TYR: variants seen among roughly 807,000 people sequenced by gnomAD.
TYR encodes the protein LB24-AB.
In TYR, 58 loss-of-function variants were observed where a neutral mutation model predicts 51.5. The observed-to-expected ratio is 1.13, with a 90% CI of 0.91 to 1.40. The LOEUF (loss-of-function observed/expected upper bound fraction) is 1.40, where lower values mean the gene tolerates loss of function less well. TYR is among the 40% of genes most tolerant of loss of function. The probability of loss-of-function intolerance (pLI) is 0.00; values close to 1 mark genes in which losing one functional copy is unlikely to be tolerated. For missense variants in TYR, 732 were observed against 647.4 expected, an observed-to-expected ratio of 1.13 and a Z score of -1.42; for synonymous variants, 263 against 235.2, an observed-to-expected ratio of 1.12 and a Z score of -1.08.
chr11:89,259,330 G>C (rs1944430968), intron 3 of TYR, among the ~76,000 whole-genome samples: 1 of 152,004 alleles, frequency 6.6e-6, no homozygotes, highest in African/African-American at 2.4e-5. Context: ...TACTTGGCTA[G>C]AACATTAGTA....
chr11:89,180,615 T>A (rs1943288981), intron 1 of TYR, among the ~76,000 whole-genome samples: 1 of 151,840 alleles, frequency 6.6e-6, no homozygotes, highest in African/African-American at 2.4e-5. Context: ...ATTATCAACT[T>A]CAACCTTGTT....
At chr11:89,206,849 A>C (rs527490063) in intron 2 of TYR, among the ~76,000 whole-genome samples, 137 of 152,232 alleles carry the variant, frequency 9.0e-4, no homozygotes, top group Non-Finnish European at 1.7e-3. Flanking sequence ...AAACACTTAG[A>C]AACTAAACAA....
intron 4 of TYR, among the ~76,000 whole-genome samples, chr11:89,289,960 C>A (rs1944837570): frequency 6.6e-6 from 1 of 152,022 alleles, no homozygotes; most frequent in African/African-American, 2.4e-5. Context: ...ATATGGTAGA[C>A]ATTGTACCAA....
intron 3 of TYR, among the ~76,000 whole-genome samples, chr11:89,283,006 A>G (rs1418736975): frequency 1.3e-5 from 2 of 151,806 alleles, no homozygotes; most frequent in African/African-American, 4.8e-5. Context: ...TATAATTCCC[A>G]TTTTGTAGAA....
intron 3 of TYR, among the ~76,000 whole-genome samples, chr11:89,236,510 A>G (rs1591173631): frequency 6.6e-6 from 1 of 152,290 alleles, no homozygotes; most frequent in East Asian, 1.9e-4. Flanking sequence ...GCAAAGATCA[A>G]GGTAATTTCT....
chr11:89,235,206 C>T lies in TYR; in HGVS notation c.1184+7236C>T, dbSNP rs377023340. Among the ~76,000 whole-genome samples, 14 of 152,024 alleles carry T rather than the reference C, an allele frequency of 9.2e-5. 1 individual carries two copies. Among genetic ancestry groups the T allele is most frequent in the African/African-American group, 1.9e-4 (8 of 41,402 alleles). On this transcript the variant is annotated intron_variant, in intron 3 of 4. Transcript: ENST00000263321. ...AATGTTGGAGAGGGTGTGGAGAACACGGAACACATGCACATTTTTGGGTGG... is the reference window on the plus strand; with the variant it reads ...AATGTTGGAGAGGGTGTGGAGAACATGGAACACATGCACATTTTTGGGTGG...
rs368414852 is a variant in TYR at position 89,287,602 on chromosome 11, C to T, written c.1366+2648C>T. ...AACTCCAGGGGTCAATGAAGTGATACTTCAGATGACATCAATATGACAGGT... is the reference window on the plus strand; with the variant it reads ...AACTCCAGGGGTCAATGAAGTGATATTTCAGATGACATCAATATGACAGGT... On this transcript the variant is annotated intron_variant, in intron 4 of 4. Coordinates refer to ENST00000263321, the MANE Select transcript of TYR (RefSeq NM_000372.5). Among the ~76,000 whole-genome samples, 161 of 151,938 alleles carry T rather than the reference C, an allele frequency of 1.1e-3. 1 individual carries two copies. The highest frequency in any genetic ancestry group is 3.7e-3 in the African/African-American group (154 of 41,472).
chr11:89,227,711 T>C (rs1436268399), intron 2 of TYR, 112 bp from the exon 3 acceptor site: 20 of 932,172 alleles, frequency 2.1e-5, no homozygotes, highest in Non-Finnish European at 3.1e-5. Flanking sequence ...TTATTTTTGA[T>C]TTTATATTTT....
intron 4 of TYR, 40 bp from the exon 5 acceptor site, chr11:89,295,103 G>A: frequency 6.2e-7 from 1 of 1,608,630 alleles, no homozygotes; most frequent in Non-Finnish European, 8.5e-7. Context: ...CGTAACAATG[G>A]TGGTAACAAT....
At chr11:89,278,055 T>G (rs1391558759) in intron 3 of TYR, among the ~76,000 whole-genome samples, 1 of 151,750 alleles carries the variant, frequency 6.6e-6, no homozygotes, top group Non-Finnish European at 1.5e-5. Context: ...TATTTGCTCC[T>G]TGATCCCTAT....
At chr11:89,280,247 T>C (rs1565422154) in intron 3 of TYR, among the ~76,000 whole-genome samples, 1 of 151,704 alleles carries the variant, frequency 6.6e-6, no homozygotes, top group East Asian at 1.9e-4. Flanking sequence ...CTGGAGAATA[T>C]TTCTTCTGTT....
rs532032121 is a variant in TYR, at chr11:89,238,756, A to G, written c.1184+10786A>G. 3.9e-5 allele frequency among the ~76,000 whole-genome samples: 6 copies of G among 152,272 alleles called. No homozygotes were observed. The South Asian group carries it at 6.2e-4, about 16-fold the overall frequency. On this transcript the variant is annotated intron_variant, in intron 3 of 4. Coordinates refer to ENST00000263321, the MANE Select transcript of TYR (RefSeq NM_000372.5). ...TATGCAAACTTTATTGTATTGAGGT[A>G]CGTTCCATCTATACCTAATTTTTTG...
chr11:89,218,096 T>C (rs1202103996), intron 2 of TYR, among the ~76,000 whole-genome samples: 1 of 152,184 alleles, frequency 6.6e-6, no homozygotes, highest in Non-Finnish European at 1.5e-5. Flanking sequence ...TCTATTCACT[T>C]AATTATTCCA....
At chr11:89,194,884 G>A (rs1943494631) in intron 2 of TYR, among the ~76,000 whole-genome samples, 1 of 152,124 alleles carries the variant, frequency 6.6e-6, no homozygotes, top group Non-Finnish European at 1.5e-5. Context: ...TTATTCTAGA[G>A]CATCTTGTAC....
At chr11:89,259,719 G>A (rs1013197410) in intron 3 of TYR, among the ~76,000 whole-genome samples, 9 of 152,126 alleles carry the variant, frequency 5.9e-5, no homozygotes, top group African/African-American at 1.9e-4. Flanking sequence ...GCTTACTTGT[G>A]ACCCCACATC....
At chr11:89,213,615 G>A (rs1316762273) in intron 2 of TYR, among the ~76,000 whole-genome samples, 1 of 152,044 alleles carries the variant, frequency 6.6e-6, no homozygotes, top group Non-Finnish European at 1.5e-5. Flanking sequence ...ACCAAAAAGA[G>A]CCTGCATATC....
intron 1 of TYR, among the ~76,000 whole-genome samples, chr11:89,181,339 C>A (rs1943296958): frequency 6.6e-6 from 1 of 152,120 alleles, no homozygotes; most frequent in Non-Finnish European, 1.5e-5. Flanking sequence ...ATTTTTAAAC[C>A]CTCATTTTGT....
At position 89,178,297 on chromosome 11, in the gene TYR, G is replaced by C. The variant is rs774693516; in HGVS notation, c.344G>C (p.Arg115Thr). 4 of 1,614,198 alleles carry C rather than the reference G, an allele frequency of 2.5e-6. No individual in the cohort carries two copies. Among genetic ancestry groups the C allele is most frequent in the African/African-American group, 2.7e-5 (2 of 75,062 alleles). The change falls in exon 1 of 5, where the codon AGA (arginine) becomes ACA (threonine). Residue 115 changes from arginine to threonine, a missense_variant. Physicochemically the swap from Arg to Thr is moderately conservative, Grantham distance 71. Transcript: ENST00000263321. ...TTTTGGGGACCAAACTGCACAGAGA[G>C]ACGACTCTTGGTGAGAAGAAACATC... ...FGFWGPNCTERRLLVRRNIFD... is the reference protein window; with the variant it reads ...FGFWGPNCTETRLLVRRNIFD...
intron 3 of TYR, among the ~76,000 whole-genome samples, chr11:89,229,865 T>G (rs1051853384): frequency 9.9e-5 from 15 of 152,116 alleles, no homozygotes; most frequent in Admixed American, 3.3e-4. Context: ...ACACTGAAAC[T>G]ATACAATATT....
Sources: allele counts gnomAD v4.1 joint callset (sites outside exome capture counted in the v4.1 genomes callset), GRCh38; gene constraint gnomAD v4.1.1; transcripts MANE v1.5; gene names NCBI Gene and HGNC (gene_info 2026-07-23, HGNC 2026-07-21).